The following IDH3A variants were observed in gnomAD, a reference collection of about 807,000 sequenced individuals.
The protein encoded by IDH3A is isocitrate dehydrogenase [NAD] subunit alpha, mitochondrial.
In IDH3A, 23 loss-of-function variants were observed where a neutral mutation model predicts 43.3. The observed-to-expected ratio is 0.53, with a 90% CI of 0.38 to 0.75. The LOEUF is 0.75. IDH3A is among the 30% of genes least tolerant of loss of function. The probability of loss-of-function intolerance (pLI) is 0.00; values close to 1 mark genes in which losing one functional copy is unlikely to be tolerated. For synonymous variants in IDH3A, 154 were observed against 163.5 expected (o/e 0.94, Z 0.44); for missense variants, 329 against 474.4 (o/e 0.69, Z 2.85).
In IDH3A at chr15:78,161,868, G is replaced by A; in HGVS notation, c.477+100G>A. 1.9e-6 allele frequency: 2 copies of A among 1,075,616 alleles called. No homozygotes were observed. The highest frequency in any genetic ancestry group is 2.8e-6 in the Non-Finnish European group (2 of 722,380). The allele number at this position is 1,075,616 out of a possible 1,614,324, so 66.6% of individuals were successfully genotyped here. On this transcript the variant is annotated intron_variant, in intron 5 of 10. Coordinates refer to ENST00000299518, the MANE Select transcript of IDH3A (RefSeq NM_005530.3). The surrounding 1 kb of genome is among the most constrained non-coding windows in gnomAD (Gnocchi z 4.8). Reference sequence around the variant, plus strand: ...TGCTTTATCTCTGTGAGGAGTTGTGGGTGTTTGTCTTGGTGCTGGGTGTCT... The same window carrying A: ...TGCTTTATCTCTGTGAGGAGTTGTGAGTGTTTGTCTTGGTGCTGGGTGTCT...
At chr15:78,163,658 C>G in intron 7 of IDH3A, 49 bp downstream of exon 7, 4 of 1,548,270 alleles carry the variant, frequency 2.6e-6, no homozygotes, top group South Asian at 1.1e-5. Flanking sequence ...TGAATGGTGT[C>G]TGTGTGTTGT....
Position 78,169,236 on chromosome 15 carries a change from A to G in IDH3A, c.*231A>G. 1 of 340,306 alleles carries G rather than the reference A, an allele frequency of 2.9e-6. No homozygotes were observed. Among genetic ancestry groups the G allele is most frequent in the East Asian group, 4.4e-5 (1 of 22,486 alleles). 21.1% of individuals were successfully genotyped at this position (340,306 alleles called of 1,614,324 possible). A position where few individuals can be genotyped will look rare whatever the true frequency, so the allele number is the denominator to read the frequency against. ...TTTATTTATTAAGTGTCTACCTGGT[A>G]AATGTTTTTTTTGTAAACTCTGAGT... is the stretch of plus-strand genomic sequence containing the variant. On this transcript the variant is annotated 3_prime_UTR_variant, in exon 11 of 11. Transcript: ENST00000299518.
At chr15:78,157,487 T>C (rs1476728995) in intron 2 of IDH3A, 61 bp from the exon 3 acceptor site, 1 of 1,149,708 alleles carries the variant, frequency 8.7e-7, no homozygotes, top group Non-Finnish European at 1.3e-6. Context: ...CAAAATATTC[T>C]TTTTTAAGCC....
chr15:78,163,799 T>G lies in IDH3A; in HGVS notation c.779+19T>G, dbSNP rs1439658625. ...TCCTTAGGTGAGTCTGGCTGCAACC[T>G]ATTTATTTTAGCCTATGATTTACTT... is the stretch of plus-strand genomic sequence containing the variant. On this transcript the variant is annotated intron_variant, in intron 8 of 10. Transcript: ENST00000299518. 5 of 1,536,012 alleles carry G rather than the reference T, an allele frequency of 3.3e-6. No individual in the cohort carries two copies. The highest frequency in any genetic ancestry group is 4.5e-6 in the Non-Finnish European group (5 of 1,109,734).
rs770905119 is a variant in IDH3A at position 78,171,546 on chromosome 15, A to C, written c.*2541A>C. The C allele has an allele frequency of 6.2e-7, 1 of 1,609,046 alleles. No individual in the cohort carries two copies. The highest frequency in any genetic ancestry group is 8.5e-7 in the Non-Finnish European group (1 of 1,175,362). On this transcript the variant is annotated 3_prime_UTR_variant, in exon 11 of 11. Transcript: ENST00000299518. ...TCGTGGGACCTAAAAGGGAAATGAG[A>C]AGAAATGAGTGAGGCCCAGGCTCTG...
chr15:78,163,541 A>G lies in IDH3A; in HGVS notation c.646A>G (p.Arg216Gly), dbSNP rs1262489152. Reference protein sequence around the residue: ...MSDGLFLQKCREVAESCKDIK... With the variant: ...MSDGLFLQKCGEVAESCKDIK... ...AGATGGGCTTTTTCTACAAAAATGC[A>G]GGGAAGTTGCAGAAAGCTGTAAAGA... The change falls in exon 7 of 11, where the codon AGG becomes GGG. Residue 216 changes from arginine (R) to glycine (G), a missense_variant. Around this residue, in one of 3 missense-constraint regions of IDH3A, gnomAD observed 212 missense variants for 345.5 expected, o/e 0.61. Transcript: ENST00000299518. 1 of 1,613,114 alleles carries G rather than the reference A, an allele frequency of 6.2e-7. No homozygotes were observed. The highest frequency in any genetic ancestry group is 2.2e-5 in the East Asian group (1 of 44,840).
rs548451487 is a variant in IDH3A, at chr15:78,170,283, C to T, written c.*1278C>T. The T allele has an allele frequency of 2.0e-5, 3 of 152,216 alleles. No homozygotes were observed. Among genetic ancestry groups the T allele is most frequent in the Admixed American group, 6.5e-5 (1 of 15,302 alleles). 9.4% of individuals were successfully genotyped at this position (152,216 alleles called of 1,614,324 possible). ...TACCCTCTGTCCCCACAACCAAAGA[C>T]AACTCATGGCCTCCTTTGGCCCTTG... On this transcript the variant is annotated 3_prime_UTR_variant, in exon 11 of 11. Transcript: ENST00000299518.
chr15:78,152,215 C>T (rs1018019562), intron 1 of IDH3A, among the ~76,000 whole-genome samples: 2 of 151,714 alleles, frequency 1.3e-5, no homozygotes, highest in African/African-American at 4.8e-5. Context: ...CCCACCATCA[C>T]ACCCAGCTGA....
intron 3 of IDH3A, 150 bp downstream of exon 3, chr15:78,157,781 A>C (rs771129037): frequency 8.3e-5 from 47 of 567,358 alleles, no homozygotes; most frequent in Non-Finnish European, 1.5e-4. Flanking sequence ...TCACTTTAAC[A>C]GTGTGTGTCT....
At position 78,161,370 on chromosome 15, in the gene IDH3A, A is replaced by G. The variant is rs1250769678; in HGVS notation, c.290-211A>G. On this transcript the variant is annotated intron_variant, in intron 4 of 10. Transcript: ENST00000299518. This position sits in a 1 kb window ranked among gnomAD's most constrained non-coding sequence, Gnocchi z 4.8. ...ATATCATGTCAAGCACATGATTACAATGCTTGATCCTCAGGAAGTTCTGAA... is the reference window on the plus strand; with the variant it reads ...ATATCATGTCAAGCACATGATTACAGTGCTTGATCCTCAGGAAGTTCTGAA... 1.3e-5 allele frequency among the ~76,000 whole-genome samples: 2 copies of G among 152,226 alleles called. No homozygotes were observed. The highest frequency in any genetic ancestry group is 1.9e-4 in the East Asian group (1 of 5,202).
chr15:78,163,830 C>T, intron 8 of IDH3A, 50 bp downstream of exon 8: 2 of 1,148,902 alleles, frequency 1.7e-6, no homozygotes, highest in South Asian at 2.5e-5. Flanking sequence ...TACTTATAAA[C>T]ATCCTAAAAT....
intron 8 of IDH3A, among the ~76,000 whole-genome samples, chr15:78,164,309 C>G (rs553568402): frequency 3.3e-5 from 5 of 151,720 alleles, no homozygotes; most frequent in Admixed American, 1.3e-4. Context: ...CTCTCTCCCC[C>G]CCCGACACAC....
At chr15:78,154,210 C>A (rs1158808684) in intron 1 of IDH3A, among the ~76,000 whole-genome samples, 1 of 149,418 alleles carries the variant, frequency 6.7e-6, no homozygotes, top group African/African-American at 2.5e-5. Flanking sequence ...AAAACACGTA[C>A]CAGTGGTAAT....
chr15:78,171,306 G>T lies in IDH3A; in HGVS notation c.*2301G>T. 1.6e-6 allele frequency: 1 copy of T among 624,208 alleles called. No homozygotes were observed. Among genetic ancestry groups the T allele is most frequent in the Non-Finnish European group, 2.8e-6 (1 of 357,932 alleles). The allele number at this position is 624,208 out of a possible 1,614,324, so 38.7% of individuals were successfully genotyped here. On this transcript the variant is annotated 3_prime_UTR_variant, in exon 11 of 11. Transcript: ENST00000299518. ...TGGCGTAAGACCTGGTAAATGTAGA[G>T]CCAGTGCTGTGCCCTGACCTGGAGA...
At chr15:78,165,439 C>T (rs2141301834) in intron 9 of IDH3A, among the ~76,000 whole-genome samples, 1 of 152,108 alleles carries the variant, frequency 6.6e-6, no homozygotes, top group East Asian at 1.9e-4. Flanking sequence ...GATCCATCCG[C>T]CTTGGCCTCC....
Position 78,171,230 on chromosome 15 carries a change from C to T in IDH3A, c.*2225C>T. On this transcript the variant is annotated 3_prime_UTR_variant, in exon 11 of 11. Coordinates refer to ENST00000299518, the MANE Select transcript of IDH3A (RefSeq NM_005530.3). ...ACCTGAACAAAAAGCAATACTTAAA[C>T]TGAATTAAAACTACCCACACGTGAA... is the stretch of plus-strand genomic sequence containing the variant. The T allele has an allele frequency of 2.3e-6, 1 of 435,516 alleles. No individual in the cohort carries two copies. Among genetic ancestry groups the T allele is most frequent in the Non-Finnish European group, 4.1e-6 (1 of 240,992 alleles). The allele number at this position is 435,516 out of a possible 1,614,324, so 27.0% of individuals were successfully genotyped here.
chr15:78,152,939 T>C (rs867389112), intron 1 of IDH3A, among the ~76,000 whole-genome samples: 5 of 152,162 alleles, frequency 3.3e-5, no homozygotes, highest in South Asian at 2.1e-4. Flanking sequence ...TTTTTTTAAA[T>C]TATTGAATAC....
At chr15:78,151,680 G>T (rs1224668252) in intron 1 of IDH3A, 1 of 152,092 alleles carries the variant, frequency 6.6e-6, no homozygotes, top group African/African-American at 2.4e-5. Context: ...CCCACGACCT[G>T]AAGTCCAAAG....
intron 2 of IDH3A, chr15:78,156,780 C>T: frequency 1.7e-6 from 1 of 580,038 alleles, no homozygotes; most frequent in South Asian, 1.7e-5. Flanking sequence ...ATTTGAAATG[C>T]TGGCTTCGTT....
Sources: allele counts gnomAD v4.1 joint callset (sites outside exome capture counted in the v4.1 genomes callset), GRCh38; gene constraint gnomAD v4.1.1; regional missense constraint gnomAD v4.1.1; non-coding constraint Gnocchi (gnomAD v3.1); transcripts MANE v1.5; gene names NCBI Gene and HGNC (gene_info 2026-07-23, HGNC 2026-07-21).